RIPK4: variants seen among roughly 807,000 people sequenced by gnomAD.
RIPK4 encodes receptor-interacting serine/threonine-protein kinase 4.
Under a neutral mutation model 42.9 loss-of-function variants are expected in RIPK4, and 17 were observed. The observed-to-expected ratio is 0.40, with a 90% CI of 0.27 to 0.59. RIPK4 has a LOEUF of 0.59. RIPK4 is among the 20% of genes least tolerant of loss of function. The pLI, the probability that RIPK4 is intolerant of heterozygous loss-of-function variation, is 0.47. For synonymous variants in RIPK4, 498 were observed against 499.1 expected (o/e 1.00, Z 0.03); for missense variants, 897 against 1,104.4 (o/e 0.81, Z 2.66).
At position 41,740,800 on chromosome 21, in the gene RIPK4, G is replaced by A; in HGVS notation, c.*38C>T. 1 of 1,552,036 alleles carries A rather than the reference G, an allele frequency of 6.4e-7. No homozygotes were observed. Among genetic ancestry groups the A allele is most frequent in the South Asian group, 1.2e-5 (1 of 82,658 alleles). On this transcript the variant is annotated 3_prime_UTR_variant, in exon 8 of 8. Transcript: ENST00000332512. The stretch of plus-strand genomic sequence containing the variant: ...CCACGAGGAACACAGGACAGGACAA[G>A]AGCCCCACGTGGACCCCCGGTCTCC...
intron 1 of RIPK4, among the ~76,000 whole-genome samples, chr21:41,764,107 C>T (rs1332288034): frequency 6.6e-6 from 1 of 152,176 alleles, no homozygotes; most frequent in Non-Finnish European, 1.5e-5. Context: ...GGAGGGCCCC[C>T]TGGCAGGCAC....
In RIPK4 at chr21:41,742,755, T is replaced by C. The variant is rs546001334; in HGVS notation, c.1196-758A>G. Among the ~76,000 whole-genome samples, 1 of 152,264 alleles carries C rather than the reference T, an allele frequency of 6.6e-6. No homozygotes were observed. The highest frequency in any genetic ancestry group is 2.1e-4 in the South Asian group (1 of 4,818). On this transcript the variant is annotated intron_variant, in intron 7 of 7. Transcript: ENST00000332512. The surrounding 1 kb of genome is among the most constrained non-coding windows in gnomAD (Gnocchi z 5.1). ...AGGCTTGGTGTCTGAACACTGGCAC[T>C]CCAAGTGGAGCCAGTGAAGTAATTC...
At position 41,741,723 on chromosome 21, in the gene RIPK4, C is replaced by G. The variant is rs2061155030; in HGVS notation, c.1470G>C (p.Leu490=). The stretch of plus-strand genomic sequence containing the variant: ...CGTTGACACTGATCTTCCGCGCCAG[C>G]AGGAGCTCCACGACACCCCGCACCC... The part of the protein sequence containing the change: ...ERRVRGVVEL[L]LARKISVNAK... The change falls in exon 8 of 8, where the codon CTG becomes CTC. Residue 490 remains leucine, a synonymous_variant. Coordinates refer to ENST00000332512, the MANE Select transcript of RIPK4 (RefSeq NM_020639.3). 1 of 1,613,138 alleles carries G rather than the reference C, an allele frequency of 6.2e-7. No individual in the cohort carries two copies. Among genetic ancestry groups the G allele is most frequent in the Non-Finnish European group, 8.5e-7 (1 of 1,180,026 alleles).
chr21:41,746,383 C>T (rs1024163777), intron 5 of RIPK4, among the ~76,000 whole-genome samples: 6 of 152,250 alleles, frequency 3.9e-5, no homozygotes, highest in Non-Finnish European at 7.3e-5. Context: ...TGGTGGGGAG[C>T]AGGGGGCGGA....
At chr21:41,762,208 G>A (rs1299039239) in intron 1 of RIPK4, among the ~76,000 whole-genome samples, 1 of 152,170 alleles carries the variant, frequency 6.6e-6, no homozygotes, top group African/African-American at 2.4e-5. Flanking sequence ...CATTGTTTCC[G>A]TGGACAAAAG....
rs1178820380 is a variant in RIPK4 at position 41,756,792 on chromosome 21, T to C, written c.207A>G (p.Glu69=). ...DDRERMELLE[E]AKKMEMAKFR... is the part of the protein sequence containing the mutation. ...ACTTGGCCATCTCCATCTTCTTGGC[T>C]TCTTCCAAAAGCTCCATGCGCTCCC... The change falls in exon 2 of 8, where the codon GAA becomes GAG. Residue 69 remains glutamate (E), a synonymous_variant. Coordinates refer to ENST00000332512, the MANE Select transcript of RIPK4 (RefSeq NM_020639.3). 7 of 1,613,734 alleles carry C rather than the reference T, an allele frequency of 4.3e-6. No individual in the cohort carries two copies. The highest frequency in any genetic ancestry group is 5.1e-6 in the Non-Finnish European group (6 of 1,179,646).
At chr21:41,762,117 C>T (rs1279911961) in intron 1 of RIPK4, among the ~76,000 whole-genome samples, 1 of 152,190 alleles carries the variant, frequency 6.6e-6, no homozygotes. Context: ...GAAGGGAGCC[C>T]GGCACGACTT....
At position 41,755,639 on chromosome 21, in the gene RIPK4, G is replaced by A. The variant is rs932120629; in HGVS notation, c.474+886C>T. 9.2e-5 allele frequency among the ~76,000 whole-genome samples: 14 copies of A among 152,242 alleles called. 1 individual carries two copies. In the East Asian group the frequency reaches 2.3e-3, roughly 25 times the overall value. The stretch of plus-strand genomic sequence containing the variant: ...TCCCCTGCATGAACTACATGGATCC[G>A]GACCATGGCTCTCGGCTCCTTCTCA... On this transcript the variant is annotated intron_variant, in intron 2 of 7. Coordinates refer to ENST00000332512, the MANE Select transcript of RIPK4 (RefSeq NM_020639.3). The surrounding 1 kb of genome is among the most constrained non-coding windows in gnomAD (Gnocchi z 4.2).
chr21:41,754,053 A>G (rs2061195886), intron 2 of RIPK4, among the ~76,000 whole-genome samples: 1 of 152,174 alleles, frequency 6.6e-6, no homozygotes. Flanking sequence ...GTTTGAATCG[A>G]GCCCTGAGCA....
Position 41,756,670 on chromosome 21 carries a change from G to A in RIPK4, c.329C>T (p.Ser110Leu), listed in dbSNP as rs200823657. ...CCGGAGATCCCATGGCAATGGCTCC[G>A]AAGCCAGCAGCTTTTCCAGGGAGCC... ...ETGSLEKLLA[S>L]EPLPWDLRFR... The change falls in exon 2 of 8, where the codon TCG (serine) becomes TTG (leucine). Residue 110 changes from serine to leucine, a missense_variant. Coordinates refer to ENST00000332512, the MANE Select transcript of RIPK4 (RefSeq NM_020639.3). 5.1e-5 allele frequency: 82 copies of A among 1,614,150 alleles called. 1 individual carries two copies. The highest frequency in any genetic ancestry group is 2.2e-4 in the South Asian group (20 of 91,082).
At chr21:41,760,155 G>A (rs374199218) in intron 1 of RIPK4, among the ~76,000 whole-genome samples, 11 of 152,188 alleles carry the variant, frequency 7.2e-5, no homozygotes, top group African/African-American at 1.7e-4. Flanking sequence ...GAATAACCCC[G>A]ATGTAAATCA....
Position 41,743,874 on chromosome 21 carries a change from C to G in RIPK4, c.1195+8G>C, listed in dbSNP as rs750525932. The G allele has an allele frequency of 1.0e-5, 16 of 1,586,000 alleles. No homozygotes were observed. Among genetic ancestry groups the G allele is most frequent in the Middle Eastern group, 3.4e-4 (2 of 5,912 alleles). ...CATCTCTCGGGACACAGAGGCGTCC[C>G]CACTCACCGCTGGTTGAAGGTTCCC... On this transcript the variant is annotated splice_region_variant and intron_variant, in intron 7 of 7. Coordinates refer to ENST00000332512, the MANE Select transcript of RIPK4 (RefSeq NM_020639.3).
intron 1 of RIPK4, among the ~76,000 whole-genome samples, chr21:41,759,625 G>A (rs537816761): frequency 2.0e-5 from 3 of 152,270 alleles, no homozygotes; most frequent in South Asian, 4.1e-4. Context: ...TCTGGAGCTC[G>A]GACACAGGCC....
chr21:41,743,843 G>C (rs1268568847), intron 7 of RIPK4, 39 bp downstream of exon 7: 4 of 1,544,540 alleles, frequency 2.6e-6, no homozygotes, highest in Non-Finnish European at 3.5e-6. Flanking sequence ...GTCCCGCCAA[G>C]CCCAGCATCT....
chr21:41,740,449 C>G lies in RIPK4; in HGVS notation c.*389G>C, dbSNP rs2061148973. ...ATGAAGATAAAAAACACAGTTTCCC[C>G]TGCACCTCCCTCAAGACTGGTGAGC... On this transcript the variant is annotated 3_prime_UTR_variant, in exon 8 of 8. Coordinates refer to ENST00000332512, the MANE Select transcript of RIPK4 (RefSeq NM_020639.3). 1 of 210,920 alleles carries G rather than the reference C, an allele frequency of 4.7e-6. No homozygotes were observed. Among genetic ancestry groups the G allele is most frequent in the South Asian group, 1.7e-4 (1 of 5,836 alleles). The allele number at this position is 210,920 out of a possible 1,614,324, so 13.1% of individuals were successfully genotyped here.
In RIPK4 at chr21:41,751,814, C is replaced by T. The variant is rs1164912550; in HGVS notation, c.475-569G>A. Among the ~76,000 whole-genome samples, 1 of 152,240 alleles carries T rather than the reference C, an allele frequency of 6.6e-6. No homozygotes were observed. The highest frequency in any genetic ancestry group is 1.5e-5 in the Non-Finnish European group (1 of 68,040). ...AAAACACACGCCTCAGAGCCCCGTC[C>T]ATCTGGAGTGTTTTGTGATCAGCAG... On this transcript the variant is annotated intron_variant, in intron 2 of 7. Transcript: ENST00000332512. The surrounding 1 kb of genome is among the most constrained non-coding windows in gnomAD (Gnocchi z 4.5).
chr21:41,756,480 A>G (rs2061203676), intron 2 of RIPK4, 45 bp downstream of exon 2: 2 of 1,584,028 alleles, frequency 1.3e-6, no homozygotes, highest in Non-Finnish European at 1.7e-6. Flanking sequence ...CCCAAGACAC[A>G]GGCCCTCCCT....
chr21:41,751,162 G>C lies in RIPK4; in HGVS notation c.558C>G (p.Ala186=). 1 of 1,614,234 alleles carries C rather than the reference G, an allele frequency of 6.2e-7. No individual in the cohort carries two copies. The highest frequency in any genetic ancestry group is 1.1e-5 in the South Asian group (1 of 91,090). The change falls in exon 3 of 8, where the codon GCC becomes GCG. Residue 186 remains alanine (A), a synonymous_variant. Transcript: ENST00000332512. The surrounding 1 kb of genome is among the most constrained non-coding windows in gnomAD (Gnocchi z 4.5). The part of the protein sequence containing the change: ...LSMDGLFGTI[A]YLPPERIREK... ...CCCTGATGCGCTCTGGAGGGAGGTA[G>C]GCGATTGTGCCAAACAGGCCATCCA...
intron 4 of RIPK4, among the ~76,000 whole-genome samples, chr21:41,748,560 C>T (rs1436479269): frequency 6.6e-6 from 1 of 152,248 alleles, no homozygotes; most frequent in Non-Finnish European, 1.5e-5. Flanking sequence ...TGGCACTGAG[C>T]AGCTCTGGAG....
Sources: allele counts gnomAD v4.1 joint callset (sites outside exome capture counted in the v4.1 genomes callset), GRCh38; gene constraint gnomAD v4.1.1; non-coding constraint Gnocchi (gnomAD v3.1); transcripts MANE v1.5; gene names NCBI Gene and HGNC (gene_info 2026-07-23, HGNC 2026-07-21).